The following ABCC6 variants were observed in gnomAD, a reference collection of about 807,000 sequenced individuals.
The protein encoded by ABCC6 is ATP-binding cassette sub-family C member 6.
A neutral mutation model predicts 169.5 loss-of-function variants in ABCC6; 126 were observed. That is an observed-to-expected ratio of 0.74 (90% CI 0.64 to 0.86). The LOEUF (loss-of-function observed/expected upper bound fraction) is 0.86, where lower values mean the gene tolerates loss of function less well. ABCC6 is among the 40% of genes least tolerant of loss of function. The pLI is 0.00. For synonymous variants in ABCC6, 752 were observed against 814.7 expected (o/e 0.92, Z 1.31); for missense variants, 1,733 against 1,927.2 (o/e 0.90, Z 1.89).
intron 26 of ABCC6, 128 bp downstream of exon 26, chr16:16,159,354 G>A (rs1332561228): frequency 4.5e-6 from 4 of 883,908 alleles, no homozygotes; most frequent in Admixed American, 4.0e-5. Context: ...GACCTATAGT[G>A]GTGGGGGTTG....
At chr16:16,163,269 C>T in intron 23 of ABCC6, 77 bp from the exon 24 acceptor site, 2 of 1,391,796 alleles carry the variant, frequency 1.4e-6, no homozygotes, top group Non-Finnish European at 2.0e-6. Flanking sequence ...ACAGAGAGCC[C>T]CAAGTACAGG....
chr16:16,216,202 G>A (rs1420993217), intron 4 of ABCC6, among the ~76,000 whole-genome samples: 2 of 152,214 alleles, frequency 1.3e-5, no homozygotes, highest in Admixed American at 6.5e-5. Flanking sequence ...AATTACAGGT[G>A]TGAGCCACTG....
intron 15 of ABCC6, among the ~76,000 whole-genome samples, chr16:16,183,967 A>G (rs760173249): frequency 6.6e-6 from 1 of 152,034 alleles, no homozygotes; most frequent in Non-Finnish European, 1.5e-5. Flanking sequence ...TTGGGAACTG[A>G]GGCAGGTGGA....
Position 16,202,166 on chromosome 16 carries a change from C to A in ABCC6, c.1011G>T (p.Glu337Asp). Reference protein sequence around the residue: ...TVPKLLSLFLEFIGDPKPPAW... With the variant: ...TVPKLLSLFLDFIGDPKPPAW... Reference sequence around the variant, plus strand: ...CTGGAGGCTTGGGATCACCAATAAACTCCAGGAAAAGGCTTGCAGGGGAAG... The same window carrying A: ...CTGGAGGCTTGGGATCACCAATAAAATCCAGGAAAAGGCTTGCAGGGGAAG... Residue 337 changes from glutamate (E) to aspartate (D), a missense_variant, in exon 9 of 31, where the codon GAG becomes GAT. Coordinates refer to ENST00000205557, the MANE Select transcript of ABCC6 (RefSeq NM_001171.6). 1 of 1,613,126 alleles carries A rather than the reference C, an allele frequency of 6.2e-7. No homozygotes were observed. The highest frequency in any genetic ancestry group is 8.5e-7 in the Non-Finnish European group (1 of 1,179,508).
At chr16:16,170,906 T>G (rs7498292) in intron 21 of ABCC6, among the ~76,000 whole-genome samples, 4 of 127,898 alleles carry the variant, frequency 3.1e-5, no homozygotes, top group Non-Finnish European at 6.3e-5. Context: ...GCGACAAGAG[T>G]GAAACTCTGT....
At position 16,214,357 on chromosome 16, in the gene ABCC6, T is replaced by C; in HGVS notation, c.567A>G (p.Gln189=). Reference sequence around the variant, plus strand: ...GGGGGTCTTCAGGGAAGAAGGGGGGTTGATCCGCCAGGCAGGACAGCACAA... The same window carrying C: ...GGGGGTCTTCAGGGAAGAAGGGGGGCTGATCCGCCAGGCAGGACAGCACAA... ...AQFVLSCLAD[Q]PPFFPEDPQQ... is the part of the protein sequence containing the mutation. The change falls in exon 5 of 31, where the codon CAA becomes CAG. Residue 189 remains glutamine, a synonymous_variant. Transcript: ENST00000205557. 10 of 1,548,722 alleles carry C rather than the reference T, an allele frequency of 6.5e-6. No homozygotes were observed. The highest frequency in any genetic ancestry group is 8.7e-6 in the Non-Finnish European group (10 of 1,145,810).
chr16:16,213,678 A>C (rs1042064932), intron 5 of ABCC6, among the ~76,000 whole-genome samples: 1 of 145,328 alleles, frequency 6.9e-6, no homozygotes, highest in Admixed American at 7.1e-5. Context: ...CTCCTGCCTC[A>C]GCCTCCCGAG....
chr16:16,182,869 TC>T lies in ABCC6; in HGVS notation c.2004del (p.Lys669SerfsTer19). 3.7e-6 allele frequency: 6 copies of T among 1,613,772 alleles called. No individual in the cohort carries two copies. Among genetic ancestry groups the T allele is most frequent in the Non-Finnish European group, 5.1e-6 (6 of 1,179,946 alleles). Reference sequence around the variant, plus strand: ...AGGAGGGCGGACAGCAGGGAGGACTTCCCTGCCCCCACTGGACCGACAACAG... The same window carrying T: ...AGGAGGGCGGACAGCAGGGAGGACTTCCTGCCCCCACTGGACCGACAACAG... ...LLAVVGPVGA[G>X]KSSLLSALLG... On this transcript the variant is annotated frameshift_variant, in exon 16 of 31. Coordinates refer to ENST00000205557, the MANE Select transcript of ABCC6 (RefSeq NM_001171.6). LOFTEE classifies it high-confidence loss of function.
At chr16:16,213,082 ATTTTTTT>A (rs55813185) in intron 5 of ABCC6, among the ~76,000 whole-genome samples, 1 of 138,826 alleles carries the variant, frequency 7.2e-6, no homozygotes, top group Non-Finnish European at 1.6e-5. Context: ...CCTTCGAGCA[ATTTTTTT>A]TTTTTTTTTT....
At chr16:16,158,738 A>G (rs1010317334) in intron 26 of ABCC6, among the ~76,000 whole-genome samples, 7 of 152,132 alleles carry the variant, frequency 4.6e-5, no homozygotes, top group African/African-American at 1.4e-4. Context: ...TTACATTGCC[A>G]TGTTGCTATT....
chr16:16,184,630 G>A (rs2047588298), intron 15 of ABCC6, among the ~76,000 whole-genome samples: 1 of 152,102 alleles, frequency 6.6e-6, no homozygotes, highest in South Asian at 2.1e-4. Context: ...CAGCTGATAG[G>A]GCTGAACCTT....
chr16:16,166,040 C>A, intron 22 of ABCC6, 107 bp from the exon 23 acceptor site: 1 of 1,096,846 alleles, frequency 9.1e-7, no homozygotes. Context: ...CATCTTATGG[C>A]TTGGCCACCC....
chr16:16,173,807 G>A lies in ABCC6; in HGVS notation c.2667-403C>T, dbSNP rs188406322. Among the ~76,000 whole-genome samples, 391 of 152,040 alleles carry A rather than the reference G, an allele frequency of 2.6e-3. 1 individual carries two copies. Among genetic ancestry groups the A allele is most frequent in the Middle Eastern group, 6.8e-3 (2 of 294 alleles). ...GCCTCCCAAAGTGCTGGGATTACAGGCATGAGCCACCATGCCCAGCCTGTT... is the reference window on the plus strand; with the variant it reads ...GCCTCCCAAAGTGCTGGGATTACAGACATGAGCCACCATGCCCAGCCTGTT... On this transcript the variant is annotated intron_variant, in intron 20 of 30. Coordinates refer to ENST00000205557, the MANE Select transcript of ABCC6 (RefSeq NM_001171.6).
Position 16,157,547 on chromosome 16 carries a change from A to G in ABCC6, c.3882+116T>C, listed in dbSNP as rs547911765. The G allele has an allele frequency of 6.6e-6, 9 of 1,356,892 alleles. No homozygotes were observed. The East Asian group carries it at 2.2e-4, about 33-fold the overall frequency. 84.1% of individuals were successfully genotyped at this position (1,356,892 alleles called of 1,614,324 possible). On this transcript the variant is annotated intron_variant, in intron 27 of 30. Transcript: ENST00000205557. ...TTAGGGGGTAATGGGTCTGAAAGCTAGGGGACCTGAGGTGGGGACACTGTG... is the reference window on the plus strand; with the variant it reads ...TTAGGGGGTAATGGGTCTGAAAGCTGGGGGACCTGAGGTGGGGACACTGTG...
chr16:16,193,916 G>T (rs1216685043), intron 10 of ABCC6, among the ~76,000 whole-genome samples: 1 of 152,214 alleles, frequency 6.6e-6, no homozygotes, highest in Non-Finnish European at 1.5e-5. Context: ...AGGTCCCAGG[G>T]ATCTGTGCTC....
In ABCC6 at chr16:16,157,554, C is replaced by G. The variant is rs921096349; in HGVS notation, c.3882+109G>C. 9 of 1,426,620 alleles carry G rather than the reference C, an allele frequency of 6.3e-6. No homozygotes were observed. The African/African-American group carries it at 9.8e-5, about 16-fold the overall frequency. 88.4% of individuals were successfully genotyped at this position (1,426,620 alleles called of 1,614,324 possible). On this transcript the variant is annotated intron_variant, in intron 27 of 30. Coordinates refer to ENST00000205557, the MANE Select transcript of ABCC6 (RefSeq NM_001171.6). ...GTAATGGGTCTGAAAGCTAGGGGAC[C>G]TGAGGTGGGGACACTGTGGAGGTGG... is the stretch of plus-strand genomic sequence containing the variant.
Position 16,202,025 on chromosome 16 carries a change from G to A in ABCC6, c.1152C>T (p.Ala384=). 6.2e-7 allele frequency: 1 copy of A among 1,613,976 alleles called. No homozygotes were observed. The highest frequency in any genetic ancestry group is 8.5e-7 in the Non-Finnish European group (1 of 1,179,880). ...CCTTTCTGTACACCAGGCCAGTGATGGCCGACCGCAACCTCATCTGCAGCA... is the reference window on the plus strand; with the variant it reads ...CCTTTCTGTACACCAGGCCAGTGATAGCCGACCGCAACCTCATCTGCAGCA... ...LKVLQMRLRS[A]ITGLVYRKVL... is the part of the protein sequence containing the mutation. The change falls in exon 9 of 31, where the codon GCC becomes GCT. Residue 384 remains alanine (A), a synonymous_variant. Coordinates refer to ENST00000205557, the MANE Select transcript of ABCC6 (RefSeq NM_001171.6).
intron 30 of ABCC6, 34 bp from the exon 31 acceptor site, chr16:16,150,275 G>A (rs201207701): frequency 1.2e-3 from 1,971 of 1,613,232 alleles, no homozygotes; most frequent in Non-Finnish European, 1.6e-3. Flanking sequence ...AGGCTCTTTG[G>A]ACACCAGCCC....
rs1372181652 is a variant in ABCC6 at position 16,187,219 on chromosome 16, A to T, written c.1780-8T>A. 5 of 1,612,350 alleles carry T rather than the reference A, an allele frequency of 3.1e-6. No homozygotes were observed. The highest frequency in any genetic ancestry group is 2.2e-5 in the South Asian group (2 of 90,818). Reference sequence around the variant, plus strand: ...GTCAAAGGACACCCGGGCCTAGGAAAACCGAAGCCGCAGGTCACCCAGCAA... The same window carrying T: ...GTCAAAGGACACCCGGGCCTAGGAATACCGAAGCCGCAGGTCACCCAGCAA... On this transcript the variant is annotated splice_region_variant and splice_polypyrimidine_tract_variant and intron_variant, in intron 13 of 30. Coordinates refer to ENST00000205557, the MANE Select transcript of ABCC6 (RefSeq NM_001171.6).
Sources: gnomAD v4.1 joint callset for allele counts (sites outside exome capture counted in the v4.1 genomes callset) on GRCh38, gnomAD v4.1.1 for gene constraint, MANE v1.5 for transcripts, NCBI Gene and HGNC (gene_info 2026-07-23, HGNC 2026-07-21) for gene names.